MAEL: variants seen among roughly 807,000 people sequenced by gnomAD.
MAEL encodes the protein maelstrom spermatogenic transposon silencer.
Under a neutral mutation model 62.0 loss-of-function variants are expected in MAEL, and 46 were observed. That is an observed-to-expected ratio of 0.74 (90% CI 0.59 to 0.95). The LOEUF is 0.95. Ranked by LOEUF, MAEL falls within the 40% of genes least tolerant of loss-of-function variation. The pLI, the probability that MAEL is intolerant of heterozygous loss-of-function variation, is 0.00. For missense variants in MAEL, 497 were observed against 526.8 expected, an observed-to-expected ratio of 0.94 and a Z score of 0.55; for synonymous variants, 172 against 175.5, an observed-to-expected ratio of 0.98 and a Z score of 0.16.
intron 11 of MAEL, 65 bp downstream of exon 11, chr1:167,021,225 G>C: frequency 8.9e-7 from 1 of 1,121,594 alleles, no homozygotes; most frequent in South Asian, 1.3e-5. Context: ...TAAGATCCCA[G>C]GTGTGGTATT....
In MAEL at chr1:167,015,230, T is replaced by C. The variant is rs1665339051; in HGVS notation, c.846-992T>C. The stretch of plus-strand genomic sequence containing the variant: ...TTTCTTAATTTTTATTTTTTGCCGG[T>C]ACATAGTATGTTTATATAACTTAAC... On this transcript the variant is annotated intron_variant, in intron 8 of 11. Coordinates refer to ENST00000367872, the MANE Select transcript of MAEL (RefSeq NM_032858.3). 2.0e-5 allele frequency among the ~76,000 whole-genome samples: 3 copies of C among 152,236 alleles called. No individual in the cohort carries two copies. In the South Asian group the frequency reaches 6.2e-4, roughly 31 times the overall value.
rs550100670 is a variant in MAEL, at chr1:166,989,297, G to A, written c.-56G>A. 2.6e-6 allele frequency: 4 copies of A among 1,565,990 alleles called. No homozygotes were observed. The South Asian group carries it at 3.5e-5, about 14-fold the overall frequency. ...CCTCTGTTACTTAGGGCGGGAGCCC[G>A]GCGAGGGCGCCGGTGCTTTGTTCTG... On this transcript the variant is annotated 5_prime_UTR_variant, in exon 1 of 12. Transcript: ENST00000367872.
intron 8 of MAEL, among the ~76,000 whole-genome samples, chr1:167,007,145 G>A (rs6686817): frequency 6.6e-6 from 1 of 150,664 alleles, no homozygotes; most frequent in Non-Finnish European, 1.5e-5. Context: ...AAAAAAAAAA[G>A]TTTCTCCTTT....
chr1:167,009,339 G>GA (rs1665065879), intron 8 of MAEL, among the ~76,000 whole-genome samples: 1 of 152,134 alleles, frequency 6.6e-6, no homozygotes, highest in African/African-American at 2.4e-5. Flanking sequence ...TGAGTTTCTA[G>GA]AAAATGCAAC....
chr1:166,982,735 G>A (rs1190077323), intron 1 of MAEL, among the ~76,000 whole-genome samples: 4 of 151,800 alleles, frequency 2.6e-5, no homozygotes, highest in African/African-American at 2.4e-5. Context: ...AGTCCTTATG[G>A]AGGCCCTGTA....
chr1:166,998,052 T>G (rs1464235593), intron 5 of MAEL, among the ~76,000 whole-genome samples: 1 of 152,202 alleles, frequency 6.6e-6, no homozygotes, highest in East Asian at 1.9e-4. Context: ...TCTGTTCTAC[T>G]TTTTTGCTGT....
intron 1 of MAEL, among the ~76,000 whole-genome samples, chr1:166,979,853 G>A (rs1370334529): frequency 6.6e-6 from 1 of 152,074 alleles, no homozygotes; most frequent in Admixed American, 6.5e-5. Flanking sequence ...CCCTAAAAAG[G>A]TCCATCCAAG....
chr1:166,989,361 C>G lies in MAEL; in HGVS notation c.9C>G (p.Asn3Lys). Residue 3 changes from asparagine to lysine, a missense_variant, in exon 1 of 12, where the codon AAC (asparagine) becomes AAG (lysine). Physicochemically the swap from Asn to Lys is moderately conservative, Grantham distance 94. Transcript: ENST00000367872. ...AGTTTGACCGCGCTGCCATGCCGAA[C>G]CGTAAGGCCAGCCGGAATGCTTACT... MP[N>K]RKASRNAYYF... The G allele has an allele frequency of 6.2e-7, 1 of 1,610,240 alleles. No individual in the cohort carries two copies. The highest frequency in any genetic ancestry group is 1.1e-5 in the South Asian group (1 of 90,030).
chr1:167,021,997 T>TA lies in MAEL; in HGVS notation c.*149dup, dbSNP rs1557991424. The stretch of plus-strand genomic sequence containing the variant: ...TTGTAAGGAAATTGTTTCATAGATT[T>TA]AAAAAAATTGTGGTTGGAGAGCATC... On this transcript the variant is annotated 3_prime_UTR_variant, in exon 12 of 12. Coordinates refer to ENST00000367872, the MANE Select transcript of MAEL (RefSeq NM_032858.3). 3.3e-6 allele frequency: 2 copies of TA among 614,334 alleles called. No homozygotes were observed. The highest frequency in any genetic ancestry group is 5.3e-6 in the Non-Finnish European group (2 of 379,336). 38.1% of individuals were successfully genotyped at this position (614,334 alleles called of 1,614,324 possible).
At chr1:167,021,575 C>A in intron 11 of MAEL, 93 bp from the exon 12 acceptor site, 2 of 850,766 alleles carry the variant, frequency 2.4e-6, no homozygotes, top group South Asian at 2.0e-5. Context: ...TAGTGAAAGG[C>A]CTACAGTAGG....
At chr1:166,992,224 C>A (rs1198690194) in intron 3 of MAEL, among the ~76,000 whole-genome samples, 1 of 151,970 alleles carries the variant, frequency 6.6e-6, no homozygotes, top group Non-Finnish European at 1.5e-5. Context: ...TTCCTTTATT[C>A]CTTTAGAGGA....
upstream of MAEL, among the ~76,000 whole-genome samples, chr1:166,987,529 T>A (rs994702602): frequency 2.0e-5 from 3 of 152,194 alleles, no homozygotes; most frequent in East Asian, 1.9e-4. Flanking sequence ...CCTAGAAGAA[T>A]GGAATTGCTG....
chr1:166,989,177 T>G (rs1430191952), upstream of MAEL: 2 of 870,898 alleles, frequency 2.3e-6, no homozygotes, highest in Non-Finnish European at 3.4e-6. Flanking sequence ...GCCGGAATCT[T>G]CCAGTCTCAG....
rs1665470987 is a variant in MAEL, at chr1:167,018,044, CTTTG to C, written c.1041+90_1041+93del. 6 of 1,347,140 alleles carry C rather than the reference CTTTG, an allele frequency of 4.5e-6. No individual in the cohort carries two copies. The South Asian group carries it at 8.3e-5, about 19-fold the overall frequency. 83.4% of individuals were successfully genotyped at this position (1,347,140 alleles called of 1,614,324 possible). ...TGGCCAACAGAAACAAAAGATCAGC[CTTTG>C]TTTGGTTCTTTCCCTCCCCTTAAAC... On this transcript the variant is annotated intron_variant, in intron 10 of 11. Coordinates refer to ENST00000367872, the MANE Select transcript of MAEL (RefSeq NM_032858.3).
Position 167,006,620 on chromosome 1 carries a change from T to C in MAEL, c.845+1223T>C, listed in dbSNP as rs1328735998. ...TTTTTACTATATATATATATATATA[T>C]ATATATATATATATATACATTTTTT... On this transcript the variant is annotated intron_variant, in intron 8 of 11. Transcript: ENST00000367872. Among the ~76,000 whole-genome samples the C allele has an allele frequency of 8.3e-5, 7 of 84,290 alleles. 1 individual carries two copies. The highest frequency in any genetic ancestry group is 2.2e-4 in the Admixed American group (2 of 9,154). 55.3% of individuals were successfully genotyped at this position (84,290 alleles called of 152,430 possible). A position where few individuals can be genotyped will look rare whatever the true frequency, so the allele number is the denominator to read the frequency against.
chr1:166,988,042 G>A (rs1364025283), upstream of MAEL, among the ~76,000 whole-genome samples: 1 of 152,116 alleles, frequency 6.6e-6, no homozygotes, highest in Non-Finnish European at 1.5e-5. Context: ...TAGAAAACTA[G>A]CAATATTCTT....
intron 5 of MAEL, among the ~76,000 whole-genome samples, chr1:166,999,410 A>G (rs1161511064): frequency 6.6e-6 from 1 of 152,252 alleles, no homozygotes; most frequent in Non-Finnish European, 1.5e-5. Flanking sequence ...CTTAAGCTGA[A>G]GCCTAATACA....
rs370018714 is a variant in MAEL, at chr1:167,021,849, A to T, written c.1299A>T (p.Leu433Phe). The change falls in exon 12 of 12, where the codon TTA becomes TTT. Residue 433 changes from leucine (L) to phenylalanine (F), a missense_variant. Transcript: ENST00000367872. Reference protein sequence around the residue: ...QKDGYKSFSSLS With the variant: ...QKDGYKSFSSFS ...ATGGATACAAATCTTTCTCTTCCTT[A>T]TCTTAATGATGGTACTCTTTTCAAT... 5.6e-6 allele frequency: 9 copies of T among 1,600,506 alleles called. No homozygotes were observed. In the African/African-American group the frequency reaches 1.1e-4, roughly 19 times the overall value.
intron 1 of MAEL, among the ~76,000 whole-genome samples, chr1:166,979,226 C>T (rs755651071): frequency 1.3e-5 from 2 of 152,260 alleles, no homozygotes; most frequent in South Asian, 2.1e-4. Flanking sequence ...GAGGAATATA[C>T]GAAGTATGAC....
Sources: gnomAD v4.1 joint callset for allele counts (sites outside exome capture counted in the v4.1 genomes callset) on GRCh38, gnomAD v4.1.1 for gene constraint, MANE v1.5 for transcripts, NCBI Gene and HGNC (gene_info 2026-07-23, HGNC 2026-07-21) for gene names.